RBMS3: variants seen among roughly 807,000 people sequenced by gnomAD.
RBMS3 encodes RNA binding motif single stranded interacting protein 3.
Under a neutral mutation model 66.8 loss-of-function variants are expected in RBMS3, and 27 were observed. The observed-to-expected ratio is 0.40, with a 90% CI of 0.30 to 0.56. The LOEUF (loss-of-function observed/expected upper bound fraction) is 0.56. Among genes scored for constraint, RBMS3 ranks in the 20% least tolerant of loss-of-function variants. The probability of loss-of-function intolerance (pLI) is 0.40; values close to 1 mark genes in which losing one functional copy is unlikely to be tolerated. For missense variants in RBMS3, 513 were observed against 549.5 expected, an observed-to-expected ratio of 0.93 and a Z score of 0.66; for synonymous variants, 188 against 183.0, an observed-to-expected ratio of 1.03 and a Z score of -0.22.
At chr3:29,814,063 T>C (rs982943463) in intron 6 of RBMS3, among the ~76,000 whole-genome samples, 3 of 152,070 alleles carry the variant, frequency 2.0e-5, no homozygotes, top group Non-Finnish European at 4.4e-5. Flanking sequence ...TGTGCCAGTT[T>C]TCAAAGGGAA....
chr3:29,816,293 CACACACAG>C (rs1303214140), intron 6 of RBMS3, among the ~76,000 whole-genome samples: 5 of 86,670 alleles, frequency 5.8e-5, no homozygotes, highest in East Asian at 2.6e-4. Context: ...CACACACAGA[CACACACAG>C]ACACACACAG....
rs539191492 is a variant in RBMS3 at position 29,360,957 on chromosome 3, G to A, written c.76-73786G>A. On this transcript the variant is annotated intron_variant, in intron 1 of 14. Transcript: ENST00000383767. Reference sequence around the variant, plus strand: ...TATGTGTGTCTCTGCATGTGAGATGGGTTTCCTGAATACAGCACACTGATG... The same window carrying A: ...TATGTGTGTCTCTGCATGTGAGATGAGTTTCCTGAATACAGCACACTGATG... Among the ~76,000 whole-genome samples the A allele has an allele frequency of 1.4e-3, 212 of 151,964 alleles. 1 individual carries two copies. Among genetic ancestry groups the A allele is most frequent in the African/African-American group, 4.9e-3 (204 of 41,332 alleles).
At chr3:29,525,387 G>T (rs1056854088) in intron 3 of RBMS3, among the ~76,000 whole-genome samples, 1 of 152,188 alleles carries the variant, frequency 6.6e-6, no homozygotes, top group South Asian at 2.1e-4. Flanking sequence ...AAAATCCAGA[G>T]AGGCATTCCT....
intron 1 of RBMS3, among the ~76,000 whole-genome samples, chr3:29,428,200 C>T (rs149518754): frequency 2.0e-5 from 3 of 152,044 alleles, no homozygotes; most frequent in Non-Finnish European, 2.9e-5. Context: ...TAGTGATTCT[C>T]AACTGGAAGA....
chr3:29,721,904 A>G (rs17024273), intron 4 of RBMS3, among the ~76,000 whole-genome samples: 33,127 of 152,090 alleles, frequency 0.22, 4,448 homozygotes, highest in African/African-American at 0.37. Context: ...AAGCAGAAAT[A>G]TTGCCTAAAA....
At chr3:29,762,224 G>A (rs78734621) in intron 5 of RBMS3, among the ~76,000 whole-genome samples, 3,082 of 152,214 alleles carry the variant, frequency 0.02, 117 homozygotes, top group African/African-American at 0.069. Flanking sequence ...AGAAAGCATA[G>A]AACCTAAGGT....
intron 6 of RBMS3, among the ~76,000 whole-genome samples, chr3:29,855,418 A>T (rs1322653157): frequency 6.6e-6 from 1 of 152,192 alleles, no homozygotes; most frequent in African/African-American, 2.4e-5. Context: ...ATATCTAATC[A>T]TTATATGCCA....
intron 6 of RBMS3, among the ~76,000 whole-genome samples, chr3:29,819,438 A>G (rs1416894162): frequency 1.3e-5 from 2 of 152,204 alleles, no homozygotes. Context: ...CACAAGCCAT[A>G]GTTTACCAAT....
intron 6 of RBMS3, among the ~76,000 whole-genome samples, chr3:29,828,580 AC>A (rs993596484): frequency 6.6e-6 from 1 of 152,182 alleles, no homozygotes; most frequent in Non-Finnish European, 1.5e-5. Context: ...TCTCAACATT[AC>A]CTAGTTCCTT....
intron 7 of RBMS3, among the ~76,000 whole-genome samples, chr3:29,871,968 T>G (rs2149555943): frequency 6.6e-6 from 1 of 152,190 alleles, no homozygotes; most frequent in East Asian, 1.9e-4. Flanking sequence ...TAGCAAGATT[T>G]TGAAATATAA....
At chr3:29,884,783 C>A (rs1385068114) in intron 8 of RBMS3, among the ~76,000 whole-genome samples, 1 of 151,914 alleles carries the variant, frequency 6.6e-6, no homozygotes, top group Non-Finnish European at 1.5e-5. Flanking sequence ...CTCTAAAATT[C>A]TGTGACTTCT....
chr3:29,885,677 A>T (rs2059853185), intron 8 of RBMS3, among the ~76,000 whole-genome samples: 1 of 151,904 alleles, frequency 6.6e-6, no homozygotes, highest in African/African-American at 2.4e-5. Context: ...AAATACCTGT[A>T]TGTCCAGTAA....
chr3:29,575,269 A>C (rs750234454), intron 3 of RBMS3, among the ~76,000 whole-genome samples: 6 of 151,620 alleles, frequency 4.0e-5, no homozygotes, highest in Non-Finnish European at 7.4e-5. Flanking sequence ...CGGATATACT[A>C]TTCAAGGGTA....
intron 8 of RBMS3, among the ~76,000 whole-genome samples, chr3:29,889,617 T>C (rs2059951617): frequency 1.3e-5 from 2 of 151,728 alleles, no homozygotes; most frequent in African/African-American, 4.8e-5. Flanking sequence ...AGTGTAAATG[T>C]TGACATTATT....
chr3:29,691,457 C>T (rs934123141), intron 4 of RBMS3, among the ~76,000 whole-genome samples: 1 of 152,142 alleles, frequency 6.6e-6, no homozygotes, highest in South Asian at 2.1e-4. Context: ...ACTCTTGGTA[C>T]TTCTCTTTTC....
chr3:29,506,182 T>C (rs1275642368), intron 3 of RBMS3, among the ~76,000 whole-genome samples: 1 of 151,984 alleles, frequency 6.6e-6, no homozygotes, highest in Admixed American at 6.6e-5. Context: ...AAATTTCAAC[T>C]TTCCCTCATT....
chr3:29,998,755 A>G (rs991976784), intron 14 of RBMS3, among the ~76,000 whole-genome samples: 7 of 152,078 alleles, frequency 4.6e-5, no homozygotes, highest in African/African-American at 1.7e-4. Flanking sequence ...CACCTTATAC[A>G]AAAATTAATT....
chr3:29,632,078 G>T (rs1341480004), intron 4 of RBMS3, among the ~76,000 whole-genome samples: 1 of 151,888 alleles, frequency 6.6e-6, no homozygotes, highest in Non-Finnish European at 1.5e-5. Flanking sequence ...GGTGCCTGTT[G>T]TATTTCTCTG....
intron 4 of RBMS3, among the ~76,000 whole-genome samples, chr3:29,671,799 A>C (rs2051013757): frequency 6.6e-6 from 1 of 152,228 alleles, no homozygotes; most frequent in South Asian, 2.1e-4. Flanking sequence ...GACCAAATCT[A>C]CATCTGATTG....
Sources: allele counts gnomAD v4.1 joint callset (sites outside exome capture counted in the v4.1 genomes callset), GRCh38; gene constraint gnomAD v4.1.1; transcripts MANE v1.5; gene names NCBI Gene and HGNC (gene_info 2026-07-23, HGNC 2026-07-21).